Variants in SDC2 observed in about 807,000 individuals in gnomAD.
SDC2 encodes the protein syndecan-2.
Under a neutral mutation model 22.2 loss-of-function variants are expected in SDC2, and 13 were observed. The ratio of observed to expected loss-of-function variants is 0.59; its 90% confidence interval spans 0.38 to 0.93. SDC2 has a LOEUF of 0.93. Among genes scored for constraint, SDC2 ranks in the 40% least tolerant of loss-of-function variants. The pLI, the probability that SDC2 is intolerant of heterozygous loss-of-function variation, is 0.00. For synonymous variants in SDC2, 94 were observed against 92.8 expected, an observed-to-expected ratio of 1.01 and a Z score of -0.07; for missense variants, 235 against 246.8, an observed-to-expected ratio of 0.95 and a Z score of 0.32.
chr8:96,593,703 C>T (rs1008247992), intron 2 of SDC2, 112 bp downstream of exon 2: 9 of 664,386 alleles, frequency 1.4e-5, no homozygotes, highest in South Asian at 3.6e-5. Context: ...TTAAGGGCAC[C>T]GTCTTTGGAA....
chr8:96,596,799 G>C (rs1436607430), intron 2 of SDC2, among the ~76,000 whole-genome samples: 1 of 152,226 alleles, frequency 6.6e-6, no homozygotes, highest in Non-Finnish European at 1.5e-5. Context: ...CAAAAGCCAT[G>C]AAGTTTTGAA....
At chr8:96,532,221 A>G (rs950755912) in intron 1 of SDC2, among the ~76,000 whole-genome samples, 2 of 152,138 alleles carry the variant, frequency 1.3e-5, no homozygotes, top group African/African-American at 2.4e-5. Context: ...CATCACCATT[A>G]TTAGTAATAG....
intron 1 of SDC2, among the ~76,000 whole-genome samples, chr8:96,589,435 A>G (rs1461918399): frequency 6.6e-6 from 1 of 152,014 alleles, no homozygotes; most frequent in Non-Finnish European, 1.5e-5. Flanking sequence ...TTTGAGACAG[A>G]GTCTCCTTGC....
At chr8:96,569,886 G>A (rs142963176) in intron 1 of SDC2, among the ~76,000 whole-genome samples, 47 of 152,230 alleles carry the variant, frequency 3.1e-4, no homozygotes, top group African/African-American at 1.1e-3. Context: ...TAAGGGGCCC[G>A]GAGGTGTGAG....
chr8:96,568,312 G>C (rs184969602), intron 1 of SDC2, among the ~76,000 whole-genome samples: 4 of 152,324 alleles, frequency 2.6e-5, no homozygotes, highest in Admixed American at 6.5e-5. Flanking sequence ...AACCCAAAGA[G>C]TTGGTTTAAA....
intron 1 of SDC2, among the ~76,000 whole-genome samples, chr8:96,559,173 G>T (rs113049620): frequency 6.6e-6 from 1 of 152,160 alleles, no homozygotes; most frequent in African/African-American, 2.4e-5. Flanking sequence ...CACAAGGGCC[G>T]ATGGTGGCTG....
intron 2 of SDC2, among the ~76,000 whole-genome samples, chr8:96,602,036 G>C (rs1204431235): frequency 1.3e-5 from 2 of 152,154 alleles, no homozygotes; most frequent in Non-Finnish European, 2.9e-5. Context: ...GAAATTACAG[G>C]CGTGAGCCCC....
intron 1 of SDC2, among the ~76,000 whole-genome samples, chr8:96,556,525 A>G (rs999662018): frequency 2.6e-5 from 4 of 152,048 alleles, no homozygotes; most frequent in African/African-American, 7.2e-5. Flanking sequence ...AAATGGGGAA[A>G]GGATTCCCTA....
At chr8:96,588,336 G>A (rs906003165) in intron 1 of SDC2, among the ~76,000 whole-genome samples, 1 of 152,192 alleles carries the variant, frequency 6.6e-6, no homozygotes, top group Non-Finnish European at 1.5e-5. Flanking sequence ...GACAAGTTTA[G>A]CTTAAGGACA....
intron 1 of SDC2, among the ~76,000 whole-genome samples, chr8:96,535,089 C>T (rs1200489859): frequency 1.1e-4 from 16 of 151,960 alleles, no homozygotes; most frequent in Admixed American, 7.9e-4. Context: ...CTGCAACCTC[C>T]GCCTCCCAGG....
chr8:96,604,355 G>T (rs916611640), intron 3 of SDC2, among the ~76,000 whole-genome samples: 16 of 152,140 alleles, frequency 1.1e-4, no homozygotes, highest in Non-Finnish European at 2.2e-4. Flanking sequence ...GAGCCCAAAA[G>T]ATTTTAATAC....
chr8:96,540,042 C>G (rs761448831), intron 1 of SDC2, among the ~76,000 whole-genome samples: 3 of 151,890 alleles, frequency 2.0e-5, no homozygotes, highest in Non-Finnish European at 4.4e-5. Context: ...ACCAGTCAAG[C>G]CTCCAGTAAG....
intron 1 of SDC2, among the ~76,000 whole-genome samples, chr8:96,571,733 G>T (rs1461557709): frequency 6.6e-6 from 1 of 152,160 alleles, no homozygotes; most frequent in Non-Finnish European, 1.5e-5. Context: ...AAACCCAGCT[G>T]CTCACAAACT....
At chr8:96,517,562 T>TTGTCCCAAC (rs1813420681) in intron 1 of SDC2, among the ~76,000 whole-genome samples, 1 of 152,220 alleles carries the variant, frequency 6.6e-6, no homozygotes, top group Non-Finnish European at 1.5e-5. Flanking sequence ...TGGTATCCAG[T>TTGTCCCAAC]TGTCCCAACA....
At chr8:96,573,460 G>T (rs554179452) in intron 1 of SDC2, among the ~76,000 whole-genome samples, 1 of 146,208 alleles carries the variant, frequency 6.8e-6, no homozygotes, top group Non-Finnish European at 1.5e-5. Context: ...TACCTGCGGC[G>T]TTGGATGCTG....
intron 1 of SDC2, among the ~76,000 whole-genome samples, chr8:96,572,834 A>G (rs562988201): frequency 6.6e-6 from 1 of 152,332 alleles, no homozygotes; most frequent in Non-Finnish European, 1.5e-5. Flanking sequence ...TCCTTATTGC[A>G]GTAGGTTTAT....
intron 1 of SDC2, among the ~76,000 whole-genome samples, chr8:96,522,252 T>C (rs1015955775): frequency 6.6e-6 from 1 of 152,240 alleles, no homozygotes; most frequent in Non-Finnish European, 1.5e-5. Flanking sequence ...CTTAGAGCTA[T>C]GCCTTGGGAA....
At chr8:96,556,915 A>T (rs1814124927) in intron 1 of SDC2, among the ~76,000 whole-genome samples, 1 of 151,000 alleles carries the variant, frequency 6.6e-6, no homozygotes, top group Admixed American at 6.6e-5. Context: ...AATGAACTCA[A>T]ACAAATTTAC....
At chr8:96,520,161 T>C (rs1813474176) in intron 1 of SDC2, among the ~76,000 whole-genome samples, 1 of 152,234 alleles carries the variant, frequency 6.6e-6, no homozygotes, top group South Asian at 2.1e-4. Context: ...TTTTTACTTT[T>C]AAAAGTATAT....
Sources: gnomAD v4.1 joint callset for allele counts (sites outside exome capture counted in the v4.1 genomes callset) on GRCh38, gnomAD v4.1.1 for gene constraint, MANE v1.5 for transcripts, NCBI Gene and HGNC (gene_info 2026-07-23, HGNC 2026-07-21) for gene names.